The following CSMD1 variants were observed in gnomAD, a reference collection of about 807,000 sequenced individuals.
CSMD1 encodes the protein CUB and sushi domain-containing protein 1.
In CSMD1, 213 loss-of-function variants were observed where a neutral mutation model predicts 417.5. The observed-to-expected ratio is 0.51, with a 90% CI of 0.46 to 0.57. The LOEUF is 0.57. Among genes scored for constraint, CSMD1 ranks in the 20% least tolerant of loss-of-function variants. CSMD1 has a pLI of 0.00. For synonymous variants in CSMD1, 2,862 were observed against 1,736.8 expected, an observed-to-expected ratio of 1.65 and a Z score of -16.11; for missense variants, 6,923 against 4,529.7, an observed-to-expected ratio of 1.53 and a Z score of -15.17.
At chr8:3,375,427 G>T (rs1810244001) in intron 18 of CSMD1, among the ~76,000 whole-genome samples, 1 of 151,874 alleles carries the variant, frequency 6.6e-6, no homozygotes, top group Non-Finnish European at 1.5e-5. Context: ...TTGTTCTCCT[G>T]AAACCACAAA....
chr8:4,144,665 C>T (rs1022207538), intron 3 of CSMD1, among the ~76,000 whole-genome samples: 6 of 150,992 alleles, frequency 4.0e-5, no homozygotes, highest in Admixed American at 3.3e-4. Context: ...TCAGCAGGAC[C>T]TCTATGTCCC....
intron 5 of CSMD1, among the ~76,000 whole-genome samples, chr8:3,867,770 G>A (rs188032585): frequency 1.4e-4 from 21 of 152,190 alleles, no homozygotes; most frequent in Non-Finnish European, 2.4e-4. Context: ...CCCAGGGCCA[G>A]GCAGCTTCCT....
intron 1 of CSMD1, among the ~76,000 whole-genome samples, chr8:4,770,394 A>T (rs1388568098): frequency 6.7e-6 from 1 of 149,332 alleles, no homozygotes; most frequent in East Asian, 1.9e-4. Context: ...TTAAGCTTTT[A>T]TATATTATAT....
At chr8:3,171,360 T>A (rs1820573479) in intron 37 of CSMD1, among the ~76,000 whole-genome samples, 1 of 152,206 alleles carries the variant, frequency 6.6e-6, no homozygotes, top group Non-Finnish European at 1.5e-5. Flanking sequence ...CCACTTCAAA[T>A]ACTATTTCCC....
At chr8:4,509,150 G>C (rs1233367405) in intron 2 of CSMD1, among the ~76,000 whole-genome samples, 4 of 152,122 alleles carry the variant, frequency 2.6e-5, no homozygotes, top group African/African-American at 9.7e-5. Context: ...AGACCTTTTA[G>C]GGAGAATTGA....
chr8:3,431,918 G>C (rs1179448308), intron 12 of CSMD1, among the ~76,000 whole-genome samples: 2 of 152,184 alleles, frequency 1.3e-5, no homozygotes, highest in African/African-American at 4.8e-5. Flanking sequence ...TTCCTGCCTT[G>C]ACATGACTTT....
chr8:4,965,176 T>C (rs979660095), intron 1 of CSMD1, among the ~76,000 whole-genome samples: 10 of 152,196 alleles, frequency 6.6e-5, no homozygotes, highest in Non-Finnish European at 1.2e-4. Context: ...TCATGAGTTA[T>C]GTATCTAAGA....
chr8:4,335,916 T>G (rs1295364926), intron 3 of CSMD1, among the ~76,000 whole-genome samples: 2 of 151,968 alleles, frequency 1.3e-5, no homozygotes, highest in African/African-American at 4.8e-5. Flanking sequence ...TGATCAAAAA[T>G]AGTGAGGGAG....
At chr8:4,509,655 T>C (rs1293009801) in intron 2 of CSMD1, among the ~76,000 whole-genome samples, 2 of 152,146 alleles carry the variant, frequency 1.3e-5, no homozygotes, top group Non-Finnish European at 2.9e-5. Flanking sequence ...GGAGGAACAG[T>C]GCTAAGTCCA....
rs116922486 is a variant in CSMD1, at chr8:3,347,418, T to C, written c.3474+574A>G. On this transcript the variant is annotated intron_variant, in intron 22 of 69. Transcript: ENST00000635120. ...GACCTGGGTACCCCTGCCATCAATA[T>C]TGAGATTCTGTCTTGTCCTGGCTTG... Among the ~76,000 whole-genome samples, 17 of 152,288 alleles carry C rather than the reference T, an allele frequency of 1.1e-4. No individual in the cohort carries two copies. The East Asian group carries it at 1.2e-3, about 10-fold the overall frequency.
intron 2 of CSMD1, among the ~76,000 whole-genome samples, chr8:4,520,229 A>C (rs1403712184): frequency 6.6e-6 from 1 of 152,072 alleles, no homozygotes; most frequent in African/African-American, 2.4e-5. Context: ...CCTATTTCTT[A>C]TTTTACCTGG....
At chr8:3,669,424 T>C (rs748068556) in intron 7 of CSMD1, among the ~76,000 whole-genome samples, 15 of 152,158 alleles carry the variant, frequency 9.9e-5, no homozygotes, top group Non-Finnish European at 1.9e-4. Context: ...GTTTACACTG[T>C]AGTGAGGGAC....
At chr8:4,066,315 A>AAG (rs1257373704) in intron 3 of CSMD1, among the ~76,000 whole-genome samples, 2 of 152,164 alleles carry the variant, frequency 1.3e-5, no homozygotes, top group African/African-American at 4.8e-5. Flanking sequence ...CTGGCTCTTA[A>AAG]AGGTGTTCTG....
Position 3,201,614 on chromosome 8 carries a change from G to A in CSMD1, c.5096C>T (p.Ser1699Leu), listed in dbSNP as rs1426803728. 1 of 1,587,568 alleles carries A rather than the reference G, an allele frequency of 6.3e-7. No homozygotes were observed. Among genetic ancestry groups the A allele is most frequent in the Non-Finnish European group, 8.6e-7 (1 of 1,163,270 alleles). Residue 1699 changes from serine to leucine, a missense_variant and splice_region_variant, in exon 32 of 70, where the codon TCA becomes TTA. By Grantham distance (145) the Ser-to-Leu change is moderately radical. Coordinates refer to ENST00000635120, the MANE Select transcript of CSMD1 (RefSeq NM_033225.6). The part of the protein sequence containing the change: ...RLLSSLSGSH[S>L]GETLPLATSN... Reference sequence around the variant, plus strand: ...GGGCAAAATTCTTTAAGACTTACCTGAGTGAGACCCCGAGAGTGAGCTGAG... The same window carrying A: ...GGGCAAAATTCTTTAAGACTTACCTAAGTGAGACCCCGAGAGTGAGCTGAG...
At chr8:3,395,877 A>G (rs1312555021) in intron 17 of CSMD1, among the ~76,000 whole-genome samples, 1 of 152,188 alleles carries the variant, frequency 6.6e-6, no homozygotes, top group African/African-American at 2.4e-5. Context: ...TTTTGCTCAG[A>G]AAGTACATTT....
chr8:4,200,871 T>C (rs6990955), intron 3 of CSMD1, among the ~76,000 whole-genome samples: 13,712 of 146,964 alleles, frequency 0.093, 922 homozygotes, highest in African/African-American at 0.21. Context: ...ATAATGATGA[T>C]AATAATAATA....
chr8:3,182,611 TGTG>T (rs1821417347), intron 36 of CSMD1, among the ~76,000 whole-genome samples: 1 of 63,892 alleles, frequency 1.6e-5, no homozygotes, highest in Non-Finnish European at 5.1e-5. Context: ...TGTGTGTGTG[TGTG>T]TGTGTGTGTG....
At chr8:3,138,565 A>G (rs1035316719) in intron 41 of CSMD1, among the ~76,000 whole-genome samples, 1 of 152,230 alleles carries the variant, frequency 6.6e-6, no homozygotes, top group African/African-American at 2.4e-5. Context: ...CTGAATGAGG[A>G]GACCTCCCCT....
chr8:4,734,466 T>C (rs1012440091), intron 1 of CSMD1, among the ~76,000 whole-genome samples: 6 of 152,160 alleles, frequency 3.9e-5, no homozygotes, highest in African/African-American at 1.4e-4. Context: ...ACTAATAACT[T>C]TTCTTGTGTG....
Sources: gnomAD v4.1 joint callset for allele counts (sites outside exome capture counted in the v4.1 genomes callset) on GRCh38, gnomAD v4.1.1 for gene constraint, MANE v1.5 for transcripts, NCBI Gene and HGNC (gene_info 2026-07-23, HGNC 2026-07-21) for gene names.